Variants in C20orf96 observed in about 807,000 individuals in gnomAD.
C20orf96 encodes chromosome 20 open reading frame 96, also known as uncharacterized protein C20orf96.
In C20orf96, 57 loss-of-function variants were observed where a neutral mutation model predicts 52.6. That is an observed-to-expected ratio of 1.08 (90% CI 0.88 to 1.35). The LOEUF is 1.35. C20orf96 is among the 40% of genes most tolerant of loss of function. The pLI is 0.00. For missense variants in C20orf96, 478 were observed against 443.6 expected (o/e 1.08, Z -0.70); for synonymous variants, 168 against 157.2 (o/e 1.07, Z -0.51).
chr20:287,117 A>G (rs1236943173), intron 3 of C20orf96, among the ~76,000 whole-genome samples: 5 of 152,244 alleles, frequency 3.3e-5, no homozygotes, highest in Non-Finnish European at 5.9e-5. Context: ...CGAGGCTGCT[A>G]TGAACATTCA....
At chr20:283,600 G>A (rs986217305) in intron 4 of C20orf96, among the ~76,000 whole-genome samples, 6 of 151,966 alleles carry the variant, frequency 3.9e-5, no homozygotes, top group South Asian at 4.2e-4. Context: ...CACCACACCC[G>A]GCCAAGTTGC....
chr20:275,407 T>A (rs946927503), intron 10 of C20orf96, among the ~76,000 whole-genome samples: 1 of 151,996 alleles, frequency 6.6e-6, no homozygotes, highest in Non-Finnish European at 1.5e-5. Context: ...GAGAGACAGA[T>A]GAAGAAGAAA....
At chr20:290,040 G>A (rs554329221) in intron 2 of C20orf96, among the ~76,000 whole-genome samples, 2 of 152,312 alleles carry the variant, frequency 1.3e-5, no homozygotes, top group East Asian at 3.9e-4. Flanking sequence ...GAATAAGAGA[G>A]CAGCATAATA....
intron 4 of C20orf96, among the ~76,000 whole-genome samples, chr20:283,530 C>A (rs1484818258): frequency 6.6e-6 from 1 of 152,108 alleles, no homozygotes; most frequent in East Asian, 1.9e-4. Context: ...TCTCGAACTC[C>A]TGACGTCAAA....
At chr20:274,029 G>A (rs1027574059) in intron 10 of C20orf96, among the ~76,000 whole-genome samples, 2 of 150,018 alleles carry the variant, frequency 1.3e-5, no homozygotes, top group Admixed American at 6.7e-5. Flanking sequence ...GAGAAAGGAA[G>A]GAATGAAGGA....
At chr20:288,444 C>A (rs1239853961) in intron 3 of C20orf96, among the ~76,000 whole-genome samples, 1 of 152,056 alleles carries the variant, frequency 6.6e-6, no homozygotes, top group South Asian at 2.1e-4. Context: ...CTAACCCCCA[C>A]CTGGCAGAAG....
In C20orf96 at chr20:276,893, A is replaced by T; in HGVS notation, c.826-14T>A. On this transcript the variant is annotated splice_polypyrimidine_tract_variant and intron_variant, in intron 8 of 10. Coordinates refer to ENST00000360321, the MANE Select transcript of C20orf96 (RefSeq NM_153269.3). ...ACGCTGGGTTTCCTGTGGAGGAAGA[A>T]GAGGTCTGGCCCCCAGGTGCCTCTT... 6.2e-7 allele frequency: 1 copy of T among 1,613,980 alleles called. No individual in the cohort carries two copies. Among genetic ancestry groups the T allele is most frequent in the Non-Finnish European group, 8.5e-7 (1 of 1,179,902 alleles).
At chr20:274,776 C>T (rs999897370) in intron 10 of C20orf96, among the ~76,000 whole-genome samples, 3 of 152,122 alleles carry the variant, frequency 2.0e-5, no homozygotes, top group Admixed American at 2.0e-4. Context: ...ACTGCCCAGA[C>T]TTGCTGTCCT....
In C20orf96 at chr20:288,773, T is replaced by C. The variant is rs571443840; in HGVS notation, c.187+786A>G. Among the ~76,000 whole-genome samples the C allele has an allele frequency of 3.9e-4, 59 of 152,340 alleles. 1 individual carries two copies. The South Asian group carries it at 7.0e-3, about 18-fold the overall frequency. ...GAGGTGGTATGAGTGATTTTATACA[T>C]AGATGTATACATAAGTATGCTAGAT... On this transcript the variant is annotated intron_variant, in intron 3 of 10. Transcript: ENST00000360321.
Position 277,118 on chromosome 20 carries a change from G to C in C20orf96, c.751C>G (p.Arg251Gly), listed in dbSNP as rs573549117. The C allele has an allele frequency of 4.3e-6, 7 of 1,613,810 alleles. No homozygotes were observed. Among genetic ancestry groups the C allele is most frequent in the Admixed American group, 3.3e-5 (2 of 60,008 alleles). ...QDELDDLGEM[R>G]RKVLESLSDK... ...GACAAGGATTCCAGGACCTTTCTGC[G>C]CATCTCACCGAGGTCATCCAGCTCA... The change falls in exon 8 of 11, where the codon CGC becomes GGC. Residue 251 changes from arginine (R) to glycine (G), a missense_variant. Coordinates refer to ENST00000360321, the MANE Select transcript of C20orf96 (RefSeq NM_153269.3).
intron 3 of C20orf96, among the ~76,000 whole-genome samples, chr20:286,517 A>G (rs1333225721): frequency 2.0e-5 from 3 of 148,520 alleles, no homozygotes; most frequent in African/African-American, 7.5e-5. Flanking sequence ...AGAGAGAGAG[A>G]GACTCTGTCT....
intron 2 of C20orf96, 93 bp downstream of exon 2, chr20:290,166 A>C: frequency 1.0e-6 from 1 of 990,400 alleles, no homozygotes. Context: ...TCCAGCCTAT[A>C]TCCGCGGAGC....
chr20:279,191 T>G lies in C20orf96; in HGVS notation c.446A>C (p.Gln149Pro). Residue 149 changes from glutamine to proline, a missense_variant, in exon 5 of 11, where the codon CAG becomes CCG. By Grantham distance (76) the Gln-to-Pro change is moderately conservative (BLOSUM62 -1). Coordinates refer to ENST00000360321, the MANE Select transcript of C20orf96 (RefSeq NM_153269.3). ...STTLHVRALL[Q>P]QQDTLATIID... ...TCTCACCGCCAGGGTGTCCTGCTGC[T>G]GCAGCAGGGCCCGCACGTGCAGGGT... is the stretch of plus-strand genomic sequence containing the variant. 1 of 1,601,038 alleles carries G rather than the reference T, an allele frequency of 6.2e-7. No individual in the cohort carries two copies. Among genetic ancestry groups the G allele is most frequent in the South Asian group, 1.1e-5 (1 of 90,548 alleles).
intron 4 of C20orf96, among the ~76,000 whole-genome samples, chr20:280,901 T>G (rs776521854): frequency 5.9e-5 from 9 of 152,274 alleles, no homozygotes; most frequent in Non-Finnish European, 1.2e-4. Context: ...ACGCCTGTAA[T>G]CCCAACACTT....
intron 3 of C20orf96, among the ~76,000 whole-genome samples, chr20:284,626 C>T (rs574251053): frequency 6.8e-4 from 104 of 152,340 alleles, no homozygotes; most frequent in African/African-American, 2.1e-3. Flanking sequence ...GAGGCCAAGG[C>T]GGGCGGATCA....
At chr20:278,209 G>C (rs2012091860) in intron 6 of C20orf96, 121 bp downstream of exon 6, 1 of 776,590 alleles carries the variant, frequency 1.3e-6, no homozygotes, top group Non-Finnish European at 2.3e-6. Context: ...ATTCCCATCT[G>C]CCAAGAAGAG....
chr20:277,551 G>A (rs538780892), intron 6 of C20orf96, among the ~76,000 whole-genome samples, 168 bp from the exon 7 acceptor site: 2 of 152,050 alleles, frequency 1.3e-5, no homozygotes, highest in Non-Finnish European at 2.9e-5. Context: ...GGCTCTAGAC[G>A]GTTTTCCACC....
chr20:276,974 A>G, intron 8 of C20orf96, 70 bp downstream of exon 8: 1 of 1,594,490 alleles, frequency 6.3e-7, no homozygotes, highest in Non-Finnish European at 8.6e-7. Flanking sequence ...CTGGAGGCAG[A>G]GGATGGGGAA....
rs750242886 is a variant in C20orf96 at position 276,809 on chromosome 20, A to G, written c.896T>C (p.Met299Thr). The G allele has an allele frequency of 1.9e-6, 3 of 1,613,384 alleles. No individual in the cohort carries two copies. The highest frequency in any genetic ancestry group is 2.5e-6 in the Non-Finnish European group (3 of 1,179,632). ...MWESQDFLKC[M>T]QRFREIIDQF... ...CCCACGCACTTCTCTGAACCTTTGC[A>G]TGCATTTCAGGAAGTCCTGGCTTTC... Residue 299 changes from methionine to threonine, a missense_variant, in exon 9 of 11, where the codon ATG (methionine) becomes ACG (threonine). Transcript: ENST00000360321.
Sources: allele counts gnomAD v4.1 joint callset (sites outside exome capture counted in the v4.1 genomes callset), GRCh38; gene constraint gnomAD v4.1.1; transcripts MANE v1.5; gene names NCBI Gene and HGNC (gene_info 2026-07-23, HGNC 2026-07-21).